XKR4: variants seen among roughly 807,000 people sequenced by gnomAD.
XKR4 encodes the protein XK-related protein 4.
In XKR4, 12 loss-of-function variants were observed where a neutral mutation model predicts 53.9. The observed-to-expected ratio is 0.22, with a 90% CI of 0.14 to 0.36. The LOEUF is 0.36. Among genes scored for constraint, XKR4 ranks in the 10% least tolerant of loss-of-function variants. The pLI is 1.00. For missense variants in XKR4, 799 were observed against 859.5 expected (o/e 0.93, Z 0.88); for synonymous variants, 354 against 362.4 (o/e 0.98, Z 0.26).
intron 2 of XKR4, among the ~76,000 whole-genome samples, chr8:55,442,363 C>T (rs1445711883): frequency 1.3e-5 from 2 of 152,098 alleles, no homozygotes; most frequent in East Asian, 1.9e-4. Context: ...CACATTGGAA[C>T]CATAAAATAT....
At chr8:55,466,388 A>G (rs917085097) in intron 2 of XKR4, among the ~76,000 whole-genome samples, 4 of 152,034 alleles carry the variant, frequency 2.6e-5, no homozygotes, top group Admixed American at 2.0e-4. Context: ...TGCAAGGACT[A>G]AAAACCAAAC....
At chr8:55,214,235 C>A (rs1817772022) in intron 1 of XKR4, among the ~76,000 whole-genome samples, 2 of 152,080 alleles carry the variant, frequency 1.3e-5, no homozygotes, top group South Asian at 4.1e-4. Flanking sequence ...AAGCACAATT[C>A]AGTAAATTTA....
At chr8:55,205,264 T>A (rs942350512) in intron 1 of XKR4, among the ~76,000 whole-genome samples, 17 of 152,272 alleles carry the variant, frequency 1.1e-4, no homozygotes, top group African/African-American at 3.6e-4. Flanking sequence ...TTTCATGTCA[T>A]ACAACATGCA....
chr8:55,446,753 C>T (rs113797219), intron 2 of XKR4, among the ~76,000 whole-genome samples: 3 of 152,272 alleles, frequency 2.0e-5, no homozygotes, highest in Admixed American at 6.5e-5. Context: ...CAGACAAATA[C>T]CTACACAATG....
intron 2 of XKR4, among the ~76,000 whole-genome samples, chr8:55,506,169 A>G (rs1405445232): frequency 6.6e-6 from 1 of 152,228 alleles, no homozygotes; most frequent in Non-Finnish European, 1.5e-5. Flanking sequence ...TCTCCCACGA[A>G]TGCATGAAAT....
At chr8:55,516,973 C>T (rs758451160) in intron 2 of XKR4, among the ~76,000 whole-genome samples, 21 of 151,964 alleles carry the variant, frequency 1.4e-4, no homozygotes, top group Non-Finnish European at 2.2e-4. Flanking sequence ...TGTTTTTTTG[C>T]AGCAACATAG....
chr8:55,160,239 G>C (rs1306065876), intron 1 of XKR4, among the ~76,000 whole-genome samples: 1 of 152,192 alleles, frequency 6.6e-6, no homozygotes, highest in Non-Finnish European at 1.5e-5. Flanking sequence ...GCAGAAAGTT[G>C]AGTTTATTTA....
At chr8:55,336,197 G>A (rs1343415459) in intron 1 of XKR4, among the ~76,000 whole-genome samples, 1 of 152,128 alleles carries the variant, frequency 6.6e-6, no homozygotes, top group East Asian at 1.9e-4. Flanking sequence ...TGAATTATGG[G>A]GGCGGGTCTT....
chr8:55,336,241 C>T (rs1258064589), intron 1 of XKR4, among the ~76,000 whole-genome samples: 3 of 151,932 alleles, frequency 2.0e-5, no homozygotes, highest in Admixed American at 6.6e-5. Flanking sequence ...TAATGGGTCT[C>T]ACAAGATCTG....
intron 1 of XKR4, among the ~76,000 whole-genome samples, chr8:55,170,538 C>T (rs964966025): frequency 2.6e-5 from 4 of 152,102 alleles, no homozygotes; most frequent in Admixed American, 2.0e-4. Flanking sequence ...CCCAGTGAGA[C>T]CTGTGTCTGA....
At chr8:55,180,457 CA>C (rs1249380479) in intron 1 of XKR4, among the ~76,000 whole-genome samples, 1 of 152,196 alleles carries the variant, frequency 6.6e-6, no homozygotes, top group African/African-American at 2.4e-5. Context: ...TAATATAGCT[CA>C]GGGGTGTCAG....
At chr8:55,473,856 GTCTC>G (rs1169243446) in intron 2 of XKR4, among the ~76,000 whole-genome samples, 3 of 145,680 alleles carry the variant, frequency 2.1e-5, no homozygotes, top group Non-Finnish European at 3.0e-5. Flanking sequence ...CTTCCTTCCT[GTCTC>G]TCTCCCCACC....
intron 2 of XKR4, among the ~76,000 whole-genome samples, chr8:55,506,500 C>T (rs1451925886): frequency 6.6e-6 from 1 of 152,220 alleles, no homozygotes; most frequent in Non-Finnish European, 1.5e-5. Context: ...TATTAAGAGC[C>T]TGGCTGAAGC....
intron 1 of XKR4, among the ~76,000 whole-genome samples, chr8:55,274,678 C>T (rs969330551): frequency 1.3e-5 from 2 of 152,132 alleles, no homozygotes; most frequent in African/African-American, 2.4e-5. Context: ...AGTGATCTGC[C>T]TGCCTCGTCC....
At chr8:55,227,858 A>G (rs918804494) in intron 1 of XKR4, among the ~76,000 whole-genome samples, 1 of 152,170 alleles carries the variant, frequency 6.6e-6, no homozygotes. Context: ...CTATGAATCC[A>G]TGGCTTTTGT....
At chr8:55,106,374 AT>A (rs1816147215) in intron 1 of XKR4, among the ~76,000 whole-genome samples, 1 of 152,192 alleles carries the variant, frequency 6.6e-6, no homozygotes. Context: ...TGGGAAATTA[AT>A]GGCAGCTTTT....
intron 1 of XKR4, among the ~76,000 whole-genome samples, chr8:55,238,759 G>A (rs888124158): frequency 2.0e-5 from 3 of 152,188 alleles, no homozygotes; most frequent in African/African-American, 7.2e-5. Flanking sequence ...CCAGTCAGCA[G>A]TCTGCCACAT....
rs188763941 is a variant in XKR4, at chr8:55,392,074, G to A, written c.1006+34197G>A. ...TAAGATGAAAGAAGGTAAGTAAAAA[G>A]CTCATTAGTATAGTTCAAGTTTAAC... On this transcript the variant is annotated intron_variant, in intron 2 of 2. Transcript: ENST00000327381. Among the ~76,000 whole-genome samples, 1,105 of 152,314 alleles carry A rather than the reference G, an allele frequency of 7.3e-3. 18 individuals are homozygous for A. The highest frequency in any genetic ancestry group is 7.8e-3 in the Non-Finnish European group (529 of 68,030).
intron 1 of XKR4, among the ~76,000 whole-genome samples, chr8:55,332,171 T>A (rs1290627155): frequency 6.6e-6 from 1 of 152,114 alleles, no homozygotes; most frequent in Admixed American, 6.6e-5. Flanking sequence ...ATAACAAAAC[T>A]TTAATTTCAA....
Sources: allele counts gnomAD v4.1 joint callset (sites outside exome capture counted in the v4.1 genomes callset), GRCh38; gene constraint gnomAD v4.1.1; transcripts MANE v1.5; gene names NCBI Gene and HGNC (gene_info 2026-07-23, HGNC 2026-07-21).